IPCEF1: variants seen among roughly 807,000 people sequenced by gnomAD.
IPCEF1 encodes the protein interactor protein for cytohesin exchange factors 1.
IPCEF1 carries 31 observed loss-of-function variants against 50.9 expected under a neutral mutation model. The observed-to-expected ratio is 0.61, with a 90% confidence interval of 0.46 to 0.82. IPCEF1 has a LOEUF of 0.82. Among genes scored for constraint, IPCEF1 ranks in the 40% least tolerant of loss-of-function variants. The probability of loss-of-function intolerance (pLI) is 0.00; values close to 1 mark genes in which losing one functional copy is unlikely to be tolerated. For missense variants in IPCEF1, 458 were observed against 514.0 expected (o/e 0.89, Z 1.05); for synonymous variants, 181 against 192.0 (o/e 0.94, Z 0.47).
rs75948011 is a variant in IPCEF1, at chr6:154,355,814, CT to C, written c.-62+857del. Among the ~76,000 whole-genome samples the C allele has an allele frequency of 6.5e-3, 952 of 146,310 alleles. 6 individuals carry two copies. Among genetic ancestry groups the C allele is most frequent in the Non-Finnish European group, 9.9e-3 (656 of 66,162 alleles). ...TTCTATTTTCTATTTTCTTTTCTTT[CT>C]TTTTTTTTTTCTTCCTGTAGAGATG... On this transcript the variant is annotated intron_variant, in intron 1 of 11. Transcript: ENST00000367220.
At chr6:154,166,482 G>T (rs1343423468) in intron 11 of IPCEF1, among the ~76,000 whole-genome samples, 1 of 152,198 alleles carries the variant, frequency 6.6e-6, no homozygotes, top group Non-Finnish European at 1.5e-5. Context: ...CCATTTCCTT[G>T]AATGTCCTTC....
At chr6:154,205,334 C>T (rs1423814393) in intron 9 of IPCEF1, among the ~76,000 whole-genome samples, 2 of 152,130 alleles carry the variant, frequency 1.3e-5, no homozygotes, top group Non-Finnish European at 2.9e-5. Flanking sequence ...GAGGCTCATG[C>T]CTGTAATCTC....
rs201885601 is a variant in IPCEF1 at position 154,339,437 on chromosome 6, A to ATT, written c.-62+17233_-62+17234dup. 1.4e-3 allele frequency among the ~76,000 whole-genome samples: 197 copies of ATT among 143,362 alleles called. 1 individual carries two copies. The highest frequency in any genetic ancestry group is 4.1e-3 in the African/African-American group (159 of 39,248). 94.1% of individuals were successfully genotyped at this position (143,362 alleles called of 152,430 possible). A position where few individuals can be genotyped will look rare whatever the true frequency, so the allele number is the denominator to read the frequency against. On this transcript the variant is annotated intron_variant, in intron 1 of 11. Transcript: ENST00000367220. ...TACTTTTATCTTTTTTTAATCTTTA[A>ATT]TTTTTTTTTTTTTTTAATTTAGAGA...
intron 2 of IPCEF1, among the ~76,000 whole-genome samples, chr6:154,267,798 G>A (rs1258693189): frequency 6.6e-6 from 1 of 152,166 alleles, no homozygotes; most frequent in Non-Finnish European, 1.5e-5. Context: ...CCTGGAATGG[G>A]TTGCTCCTCC....
chr6:154,311,708 A>G (rs1783081562), intron 1 of IPCEF1, among the ~76,000 whole-genome samples: 1 of 152,248 alleles, frequency 6.6e-6, no homozygotes, highest in South Asian at 2.1e-4. Context: ...ATCACTAATC[A>G]TTACAAAAAT....
rs891964453 is a variant in IPCEF1 at position 154,155,960 on chromosome 6, C to T, written c.*3868G>A. The T allele has an allele frequency of 1.3e-5, 2 of 152,138 alleles. No individual in the cohort carries two copies. The highest frequency in any genetic ancestry group is 4.8e-5 in the African/African-American group (2 of 41,414). 9.4% of individuals were successfully genotyped at this position (152,138 alleles called of 1,614,324 possible). A position where few individuals can be genotyped will look rare whatever the true frequency, so the allele number is the denominator to read the frequency against. On this transcript the variant is annotated 3_prime_UTR_variant, in exon 12 of 12. Transcript: ENST00000367220. ...CTACCTGAGTAAATTATCATGATTA[C>T]ATGAAAAGCAATTAAGAGAAGAAGG... is the stretch of plus-strand genomic sequence containing the variant.
chr6:154,247,570 G>T, intron 3 of IPCEF1, 82 bp from the exon 4 acceptor site: 2 of 1,200,780 alleles, frequency 1.7e-6, no homozygotes, highest in Non-Finnish European at 1.2e-6. Flanking sequence ...GGAGGAGGTG[G>T]CAGTGTTTAT....
At chr6:154,246,252 T>G (rs1238547801) in intron 5 of IPCEF1, among the ~76,000 whole-genome samples, 1 of 152,174 alleles carries the variant, frequency 6.6e-6, no homozygotes, top group Non-Finnish European at 1.5e-5. Flanking sequence ...AGGTGCCATG[T>G]TAAGTGATGG....
chr6:154,321,214 A>T (rs1783366523), intron 1 of IPCEF1, among the ~76,000 whole-genome samples: 1 of 152,188 alleles, frequency 6.6e-6, no homozygotes. Flanking sequence ...TACAGGGGTT[A>T]GCCACCATGC....
rs34427887 is a variant in IPCEF1 at position 154,246,729 on chromosome 6, C to T, written c.108G>A (p.Ser36=). 103,948 of 1,613,866 alleles carry T rather than the reference C, an allele frequency of 0.064. 3,808 individuals carry two copies. The highest frequency in any genetic ancestry group is 0.074 in the Non-Finnish European group (86,763 of 1,179,876). ...GFLTMSRRRI[S]CKDLGHADCQ... ...AGTCAGCATGGCCCAGATCTTTACACGATATCCTCCTCCGACTCATCGTGA... is the reference window on the plus strand; with the variant it reads ...AGTCAGCATGGCCCAGATCTTTACATGATATCCTCCTCCGACTCATCGTGA... The change falls in exon 5 of 12, where the codon TCG becomes TCA. Residue 36 remains serine (S), a synonymous_variant. Coordinates refer to ENST00000367220, the MANE Select transcript of IPCEF1 (RefSeq NM_001130700.2).
At chr6:154,337,758 C>T (rs1172847182) in intron 1 of IPCEF1, among the ~76,000 whole-genome samples, 1 of 152,154 alleles carries the variant, frequency 6.6e-6, no homozygotes, top group African/African-American at 2.4e-5. Flanking sequence ...GAACTCAGTG[C>T]TATATAATGT....
intron 10 of IPCEF1, among the ~76,000 whole-genome samples, chr6:154,192,093 G>A (rs1801942306): frequency 1.3e-5 from 2 of 152,190 alleles, no homozygotes; most frequent in African/African-American, 4.8e-5. Flanking sequence ...AAGGGTTTCT[G>A]CATTATGCCT....
At chr6:154,162,426 C>CCAT (rs1339368319) in intron 11 of IPCEF1, among the ~76,000 whole-genome samples, 1 of 152,216 alleles carries the variant, frequency 6.6e-6, no homozygotes, top group East Asian at 1.9e-4. Context: ...CTTGTGAAGA[C>CCAT]CATCAGTGAC....
chr6:154,326,169 C>T (rs898068493), intron 1 of IPCEF1, among the ~76,000 whole-genome samples: 3 of 150,688 alleles, frequency 2.0e-5, no homozygotes, highest in African/African-American at 7.4e-5. Flanking sequence ...CTGCAGTGAG[C>T]CAAGATTGCA....
intron 1 of IPCEF1, among the ~76,000 whole-genome samples, chr6:154,343,869 T>C (rs1474366851): frequency 1.3e-5 from 2 of 152,184 alleles, no homozygotes; most frequent in African/African-American, 4.8e-5. Context: ...CCACCCAACA[T>C]GGAGATTCCC....
At chr6:154,201,165 T>C (rs1777039177) in intron 9 of IPCEF1, among the ~76,000 whole-genome samples, 1 of 152,196 alleles carries the variant, frequency 6.6e-6, no homozygotes, top group African/African-American at 2.4e-5. Flanking sequence ...GAACTGTGAG[T>C]CAATTAAAAT....
intron 1 of IPCEF1, among the ~76,000 whole-genome samples, chr6:154,345,330 CA>C (rs1458560885): frequency 2.0e-4 from 31 of 152,156 alleles, no homozygotes; most frequent in African/African-American, 5.5e-4. Flanking sequence ...ATGAATGTCT[CA>C]GGGGACTGAA....
intron 9 of IPCEF1, among the ~76,000 whole-genome samples, chr6:154,203,949 T>C (rs1777279467): frequency 6.6e-6 from 1 of 152,308 alleles, no homozygotes; most frequent in Middle Eastern, 3.4e-3. Context: ...CCAATTACAA[T>C]GCAAATAGCC....
At chr6:154,252,699 A>G (rs1362261756) in intron 3 of IPCEF1, among the ~76,000 whole-genome samples, 2 of 152,170 alleles carry the variant, frequency 1.3e-5, no homozygotes, top group East Asian at 1.9e-4. Context: ...AAGAAAAGAA[A>G]AAACGAAGGA....
Sources: allele counts gnomAD v4.1 joint callset (sites outside exome capture counted in the v4.1 genomes callset), GRCh38; gene constraint gnomAD v4.1.1; transcripts MANE v1.5; gene names NCBI Gene and HGNC (gene_info 2026-07-23, HGNC 2026-07-21).